Variants in DNAH11 observed in about 807,000 individuals in gnomAD.
DNAH11 encodes axonemal beta dynein heavy chain 11.
A neutral mutation model predicts 526.0 loss-of-function variants in DNAH11; 442 were observed. That is an observed-to-expected ratio of 0.84 (90% confidence interval 0.78 to 0.91). DNAH11 has a LOEUF of 0.91. Ranked by LOEUF, DNAH11 falls within the 40% of genes least tolerant of loss-of-function variation. The pLI is 0.00. For synonymous variants in DNAH11, 2,461 were observed against 1,935.9 expected (o/e 1.27, Z -7.12); for missense variants, 6,989 against 5,448.7 (o/e 1.28, Z -8.90).
chr7:21,636,814 C>T (rs1311322268), intron 26 of DNAH11, among the ~76,000 whole-genome samples: 2 of 152,142 alleles, frequency 1.3e-5, no homozygotes, highest in Non-Finnish European at 2.9e-5. Context: ...GTCCCATGCA[C>T]CATAGATTGC....
chr7:21,681,619 C>A lies in DNAH11; in HGVS notation c.5402C>A (p.Thr1801Lys). 1.2e-6 allele frequency: 2 copies of A among 1,613,870 alleles called. No homozygotes were observed. Among genetic ancestry groups the A allele is most frequent in the Non-Finnish European group, 1.7e-6 (2 of 1,179,820 alleles). ...LPPGDRQKIM[T>K]ICTIDVHARD... ...CCTGGAGACAGACAGAAGATCATGA[C>A]AATTTGTACCATAGATGTCCATGCC... Residue 1801 changes from threonine (T) to lysine (K), a missense_variant, in exon 31 of 82, where the codon ACA becomes AAA. Transcript: ENST00000409508.
At chr7:21,650,563 A>C (rs1166999783) in intron 28 of DNAH11, among the ~76,000 whole-genome samples, 1 of 145,372 alleles carries the variant, frequency 6.9e-6, no homozygotes, top group African/African-American at 2.6e-5. Context: ...TTTTTTTCCA[A>C]TTTAGATTCT....
intron 62 of DNAH11, among the ~76,000 whole-genome samples, chr7:21,801,784 A>G (rs539114074): frequency 6.6e-6 from 1 of 152,338 alleles, no homozygotes; most frequent in South Asian, 2.1e-4. Context: ...CTACCAGCAA[A>G]TGATTTCTTT....
At chr7:21,590,822 C>A in intron 12 of DNAH11, 96 bp from the exon 13 acceptor site, 2 of 771,246 alleles carry the variant, frequency 2.6e-6, no homozygotes, top group Non-Finnish European at 3.7e-6. Flanking sequence ...TATAGTAATA[C>A]TTGGATAACA....
intron 48 of DNAH11, among the ~76,000 whole-genome samples, chr7:21,741,587 G>T (rs944938506): frequency 6.6e-6 from 1 of 152,216 alleles, no homozygotes; most frequent in Non-Finnish European, 1.5e-5. Flanking sequence ...GGGATAAACT[G>T]TCAGTTAATT....
intron 65 of DNAH11, among the ~76,000 whole-genome samples, chr7:21,830,990 T>C (rs1290457972): frequency 1.3e-5 from 2 of 152,148 alleles, no homozygotes; most frequent in Non-Finnish European, 2.9e-5. Flanking sequence ...TGCAGAGGGA[T>C]GTATAAAAAT....
intron 41 of DNAH11, 71 bp downstream of exon 41, chr7:21,710,774 G>A (rs1308890951): frequency 1.4e-5 from 20 of 1,445,582 alleles, no homozygotes; most frequent in East Asian, 7.7e-5. Context: ...TTCACTTGTC[G>A]ATGTTAATAC....
Position 21,901,498 on chromosome 7 carries a change from G to C in DNAH11, c.*244G>C, listed in dbSNP as rs1279024439. The C allele has an allele frequency of 2.6e-6, 1 of 379,714 alleles. No homozygotes were observed. The highest frequency in any genetic ancestry group is 5.6e-5 in the East Asian group (1 of 17,900). 23.5% of individuals were successfully genotyped at this position (379,714 alleles called of 1,614,324 possible). ...GTAGGAGAATCACTTGAACCTAGGA[G>C]GCAAAGGTTGCAGTGAGCCGAGGTT... On this transcript the variant is annotated 3_prime_UTR_variant, in exon 82 of 82. Coordinates refer to ENST00000409508, the MANE Select transcript of DNAH11 (RefSeq NM_001277115.2).
At position 21,742,079 on chromosome 7, in the gene DNAH11, C is replaced by T. The variant is rs1193979872; in HGVS notation, c.8067C>T (p.Phe2689=). ...GPTLIQATIA[F]HQTMMCNFLP... is the part of the protein sequence containing the mutation. ...CTTTGATCCAGGCAACAATAGCATT[C>T]CATCAGACAATGATGTGTAACTTTT... The change falls in exon 49 of 82, where the codon TTC becomes TTT. Residue 2689 remains phenylalanine (F), a synonymous_variant. Transcript: ENST00000409508. 1 of 1,613,904 alleles carries T rather than the reference C, an allele frequency of 6.2e-7. No homozygotes were observed. The highest frequency in any genetic ancestry group is 1.7e-5 in the Admixed American group (1 of 60,016).
At chr7:21,818,697 T>A (rs1425079151) in intron 65 of DNAH11, among the ~76,000 whole-genome samples, 4 of 152,226 alleles carry the variant, frequency 2.6e-5, no homozygotes, top group Non-Finnish European at 5.9e-5. Context: ...GTACCCTGTT[T>A]AATGTTTTTC....
At chr7:21,648,953 A>C (rs1310266066) in intron 28 of DNAH11, among the ~76,000 whole-genome samples, 1 of 152,196 alleles carries the variant, frequency 6.6e-6, no homozygotes, top group Non-Finnish European at 1.5e-5. Context: ...TGAAAACATC[A>C]TAAGTTAATG....
At chr7:21,693,313 G>C (rs1033566746) in intron 35 of DNAH11, among the ~76,000 whole-genome samples, 2 of 152,130 alleles carry the variant, frequency 1.3e-5, no homozygotes, top group Non-Finnish European at 2.9e-5. Context: ...TGCATTCCAG[G>C]GATAAGCTCC....
rs188745499 is a variant in DNAH11 at position 21,609,977 on chromosome 7, G to A, written c.3852+3244G>A. On this transcript the variant is annotated intron_variant, in intron 20 of 81. Transcript: ENST00000409508. ...GGGTGAAAAAAACAGAAAAGGGGCC[G>A]GGCGCGGTGGCTCACGCCTGTAATC... Among the ~76,000 whole-genome samples, 177 of 152,232 alleles carry A rather than the reference G, an allele frequency of 1.2e-3. 1 individual carries two copies. The highest frequency in any genetic ancestry group is 1.2e-3 in the Non-Finnish European group (85 of 68,022).
At chr7:21,741,262 T>A (rs1785880524) in intron 48 of DNAH11, among the ~76,000 whole-genome samples, 1 of 152,244 alleles carries the variant, frequency 6.6e-6, no homozygotes, top group African/African-American at 2.4e-5. Flanking sequence ...TTTCTCCATG[T>A]CTTTCCGTGG....
chr7:21,621,113 A>C (rs1334384947), intron 25 of DNAH11, among the ~76,000 whole-genome samples: 2 of 152,120 alleles, frequency 1.3e-5, no homozygotes, highest in African/African-American at 4.8e-5. Context: ...TGGTATTTCT[A>C]GTTCTAGATC....
Position 21,659,068 on chromosome 7 carries a change from A to G in DNAH11, c.5328+37A>G, listed in dbSNP as rs1200580055. 3 of 1,468,410 alleles carry G rather than the reference A, an allele frequency of 2.0e-6. No individual in the cohort carries two copies. In the East Asian group the frequency reaches 7.4e-5, roughly 36 times the overall value. 91.0% of individuals were successfully genotyped at this position (1,468,410 alleles called of 1,614,324 possible). A position where few individuals can be genotyped will look rare whatever the true frequency, so the allele number is the denominator to read the frequency against. On this transcript the variant is annotated intron_variant, in intron 30 of 81. Transcript: ENST00000409508. The stretch of plus-strand genomic sequence containing the variant: ...ATTTGTGATTTTGAGACATAAAGGA[A>G]CTTCAAGATGTAAGCTTGCTTCATT...
At chr7:21,578,742 G>T (rs1784198507) in intron 8 of DNAH11, among the ~76,000 whole-genome samples, 1 of 151,984 alleles carries the variant, frequency 6.6e-6, no homozygotes, top group Non-Finnish European at 1.5e-5. Flanking sequence ...CTAGGTGGAG[G>T]TTCTCAAGGC....
chr7:21,705,347 G>A, intron 38 of DNAH11, 113 bp from the exon 39 acceptor site: 1 of 936,602 alleles, frequency 1.1e-6, no homozygotes, highest in Admixed American at 2.2e-5. Context: ...ACATACTGTT[G>A]TCAGTGGGGG....
chr7:21,707,420 C>T (rs1032602774), intron 39 of DNAH11, among the ~76,000 whole-genome samples: 1 of 152,224 alleles, frequency 6.6e-6, no homozygotes, highest in African/African-American at 2.4e-5. Context: ...CCACTTTGTA[C>T]ACATGATTAA....
Sources: gnomAD v4.1 joint callset for allele counts (sites outside exome capture counted in the v4.1 genomes callset) on GRCh38, gnomAD v4.1.1 for gene constraint, MANE v1.5 for transcripts, NCBI Gene and HGNC (gene_info 2026-07-23, HGNC 2026-07-21) for gene names.